The following EIF3J variants were observed in gnomAD, a reference collection of about 807,000 sequenced individuals.
The protein encoded by EIF3J is eukaryotic translation initiation factor 3, subunit 1 (alpha, 35kD).
A neutral mutation model predicts 39.0 loss-of-function variants in EIF3J; 15 were observed. The observed-to-expected ratio is 0.38, with a 90% CI of 0.26 to 0.59. EIF3J has a LOEUF of 0.59. EIF3J is among the 20% of genes least tolerant of loss of function. The pLI is 0.60. For synonymous variants in EIF3J, 98 were observed against 112.9 expected, an observed-to-expected ratio of 0.87 and a Z score of 0.84; for missense variants, 226 against 308.6, an observed-to-expected ratio of 0.73 and a Z score of 2.00.
intron 2 of EIF3J, among the ~76,000 whole-genome samples, chr15:44,544,417 A>G (rs1354921777): frequency 2.0e-5 from 3 of 148,640 alleles, no homozygotes; most frequent in African/African-American, 7.4e-5. Flanking sequence ...AAATTAGTAG[A>G]AAACTGGCCA....
At chr15:44,540,269 T>TA (rs1567115256) in intron 2 of EIF3J, among the ~76,000 whole-genome samples, 492 of 37,950 alleles carry the variant, frequency 0.013, 1 homozygote, top group African/African-American at 0.024. Flanking sequence ...ATATATATAT[T>TA]TTTTTTTTTT....
intron 5 of EIF3J, among the ~76,000 whole-genome samples, chr15:44,555,412 T>C (rs2082136317): frequency 6.6e-6 from 1 of 152,222 alleles, no homozygotes; most frequent in Non-Finnish European, 1.5e-5. Context: ...CCCACTTTCA[T>C]ACTTTCTCTA....
intron 2 of EIF3J, among the ~76,000 whole-genome samples, chr15:44,544,349 T>C (rs933740853): frequency 6.6e-6 from 1 of 151,224 alleles, no homozygotes; most frequent in African/African-American, 2.4e-5. Context: ...CCACCCACCT[T>C]GGCCTTCCAA....
chr15:44,547,071 G>C (rs2082059530), intron 2 of EIF3J, among the ~76,000 whole-genome samples: 1 of 151,912 alleles, frequency 6.6e-6, no homozygotes, highest in Non-Finnish European at 1.5e-5. Flanking sequence ...TGATCTGCCT[G>C]CCTCGGCCTC....
Position 44,537,299 on chromosome 15 carries a change from T to C in EIF3J, c.44-25T>C, listed in dbSNP as rs759078798. On this transcript the variant is annotated intron_variant, in intron 1 of 7. Coordinates refer to ENST00000261868, the MANE Select transcript of EIF3J (RefSeq NM_003758.4). ...GCCGGCCCCACGCAGTGGCAGGCAC[T>C]AACACGGCTCGCTTTCTTCCGTAGA... 2.6e-6 allele frequency: 4 copies of C among 1,561,926 alleles called. No homozygotes were observed. In the Admixed American group the frequency reaches 5.8e-5, roughly 23 times the overall value.
chr15:44,548,195 A>C (rs2140895237), intron 2 of EIF3J, among the ~76,000 whole-genome samples: 1 of 152,170 alleles, frequency 6.6e-6, no homozygotes. Context: ...GCTGAGGATC[A>C]CCTGATGTCA....
intron 7 of EIF3J, chr15:44,560,617 C>A (rs918902097): frequency 8.2e-6 from 3 of 366,326 alleles, no homozygotes; most frequent in African/African-American, 6.2e-5. Context: ...CTTCTCCCTT[C>A]TAAAATAGGA....
chr15:44,554,949 T>A (rs1261450373), intron 5 of EIF3J, among the ~76,000 whole-genome samples: 2 of 152,206 alleles, frequency 1.3e-5, no homozygotes, highest in African/African-American at 4.8e-5. Context: ...AATATTTTTA[T>A]CAGCTGGATG....
rs756653669 is a variant in EIF3J, at chr15:44,550,890, CGAT to C, written c.171_173del (p.Asp57del). 5 of 1,603,446 alleles carry C rather than the reference CGAT, an allele frequency of 3.1e-6. No individual in the cohort carries two copies. The highest frequency in any genetic ancestry group is 4.5e-5 in the East Asian group (2 of 44,734). The stretch of plus-strand genomic sequence containing the variant: ...CTTTTCTTTAGGATAACTGGGATGA[CGAT>C]GATGATGAAAAAAAAGAGGAAGCAG... On this transcript the variant is annotated inframe_deletion, in exon 3 of 8. Transcript: ENST00000261868.
chr15:44,542,474 T>C (rs2082021365), intron 2 of EIF3J, among the ~76,000 whole-genome samples: 1 of 152,248 alleles, frequency 6.6e-6, no homozygotes, highest in Non-Finnish European at 1.5e-5. Context: ...CTACTTCTAT[T>C]TGACAATCTA....
chr15:44,552,719 C>G (rs1017578257), intron 4 of EIF3J, among the ~76,000 whole-genome samples: 1 of 152,042 alleles, frequency 6.6e-6, no homozygotes, highest in Non-Finnish European at 1.5e-5. Context: ...TGCTACCATG[C>G]CCAGCTAATT....
chr15:44,546,571 C>A (rs1342299706), intron 2 of EIF3J, among the ~76,000 whole-genome samples: 1 of 152,050 alleles, frequency 6.6e-6, no homozygotes, highest in African/African-American at 2.4e-5. Context: ...AGCATCAGGG[C>A]CTCTTGCCCT....
At chr15:44,544,702 T>TA (rs1476216515) in intron 2 of EIF3J, among the ~76,000 whole-genome samples, 953 of 50,648 alleles carry the variant, frequency 0.019, 11 homozygotes, top group Non-Finnish European at 0.026. Context: ...AAAACTCCAT[T>TA]TAAAAAAAAA....
In EIF3J at chr15:44,561,884, C is replaced by T. The variant is rs1460275217; in HGVS notation, c.*735C>T. On this transcript the variant is annotated 3_prime_UTR_variant, in exon 8 of 8. Transcript: ENST00000261868. ...ATTTTTATTTGCCTGATTTAAGTGT[C>T]TGAGAAACAAATCTTTGTTCTCTTA... The T allele has an allele frequency of 1.3e-5, 2 of 152,580 alleles. No individual in the cohort carries two copies. The highest frequency in any genetic ancestry group is 2.4e-5 in the African/African-American group (1 of 41,426). The allele number at this position is 152,580 out of a possible 1,614,324, so 9.5% of individuals were successfully genotyped here.
At chr15:44,546,202 A>G (rs2082051286) in intron 2 of EIF3J, among the ~76,000 whole-genome samples, 1 of 152,194 alleles carries the variant, frequency 6.6e-6, no homozygotes, top group Admixed American at 6.5e-5. Context: ...CAAACGTTTG[A>G]TCTCTAATTT....
rs746172736 is a variant in EIF3J at position 44,537,362 on chromosome 15, G to A, written c.82G>A (p.Val28Met). The A allele has an allele frequency of 8.9e-6, 14 of 1,567,938 alleles. No individual in the cohort carries two copies. In the South Asian group the frequency reaches 1.4e-4, roughly 16 times the overall value. Residue 28 changes from valine to methionine, a missense_variant, in exon 2 of 8, where the codon GTG becomes ATG. Around this residue, in one of 2 missense-constraint regions of EIF3J, gnomAD observed 143 missense variants for 156.0 expected, o/e 0.92. Coordinates refer to ENST00000261868, the MANE Select transcript of EIF3J (RefSeq NM_003758.4). ...CTCCGTGGAAGACCCAGTGCGGAAG[G>A]TGGGGGGCGGCGGCACTGCCGGCGG... ...AFSVEDPVRKVGGGGTAGGDR... is the reference protein window; with the variant it reads ...AFSVEDPVRKMGGGGTAGGDR...
At chr15:44,549,528 G>T (rs543652067) in intron 2 of EIF3J, among the ~76,000 whole-genome samples, 111 of 152,266 alleles carry the variant, frequency 7.3e-4, no homozygotes, top group African/African-American at 2.6e-3. Flanking sequence ...CCAGCACTTC[G>T]GGAAGCCGAG....
At chr15:44,547,605 C>A (rs570666703) in intron 2 of EIF3J, among the ~76,000 whole-genome samples, 1 of 152,074 alleles carries the variant, frequency 6.6e-6, no homozygotes, top group East Asian at 1.9e-4. Context: ...TCTGCCACCA[C>A]GCCCAGCTAA....
intron 7 of EIF3J, among the ~76,000 whole-genome samples, chr15:44,560,775 T>C (rs1484064418): frequency 6.6e-6 from 1 of 152,186 alleles, no homozygotes; most frequent in Admixed American, 6.6e-5. Context: ...TGTCTACCAA[T>C]AACTTATAAC....
Sources: allele counts gnomAD v4.1 joint callset (sites outside exome capture counted in the v4.1 genomes callset), GRCh38; gene constraint gnomAD v4.1.1; regional missense constraint gnomAD v4.1.1; transcripts MANE v1.5; gene names NCBI Gene and HGNC (gene_info 2026-07-23, HGNC 2026-07-21).